The following PAPLN variants were observed in gnomAD, a reference collection of about 807,000 sequenced individuals.
The protein encoded by PAPLN is papilin, proteoglycan like sulfated glycoprotein.
Under a neutral mutation model 159.0 loss-of-function variants are expected in PAPLN, and 146 were observed. The ratio of observed to expected loss-of-function variants is 0.92; its 90% CI spans 0.80 to 1.05. The LOEUF is 1.05. Among genes scored for constraint, PAPLN ranks in the 50% least tolerant of loss-of-function variants. The pLI, the probability that PAPLN is intolerant of heterozygous loss-of-function variation, is 0.00. For missense variants in PAPLN, 1,720 were observed against 1,743.9 expected (o/e 0.99, Z 0.24); for synonymous variants, 734 against 702.9 (o/e 1.04, Z -0.70).
intron 5 of PAPLN, among the ~76,000 whole-genome samples, chr14:73,248,380 A>T (rs1366979615): frequency 6.6e-6 from 1 of 152,174 alleles, no homozygotes; most frequent in Non-Finnish European, 1.5e-5. Flanking sequence ...TTATAGTCAC[A>T]TGATAGAAAA....
intron 26 of PAPLN, among the ~76,000 whole-genome samples, chr14:73,270,484 T>G (rs1489182764): frequency 6.6e-6 from 1 of 152,190 alleles, no homozygotes; most frequent in Non-Finnish European, 1.5e-5. Context: ...CTCAGATACA[T>G]GGTGACTAAG....
At chr14:73,263,965 T>A in intron 20 of PAPLN, 183 bp downstream of exon 20, 1 of 1,212,996 alleles carries the variant, frequency 8.2e-7, no homozygotes. Flanking sequence ...CCCCCCGACC[T>A]CCTCTGACAG....
rs757981233 is a variant in PAPLN at position 73,250,028 on chromosome 14, TTC to T, written c.381_382del (p.Phe127LeufsTer10). On this transcript the variant is annotated frameshift_variant, in exon 6 of 27. Coordinates refer to ENST00000644200, the MANE Select transcript of PAPLN (RefSeq NM_001365906.3). LOFTEE classifies it high-confidence loss of function. Reference sequence around the variant, plus strand: ...GAACTGCATTCCCAAGGGGGAGAACTTCTACTACAAGCACAGGGAGGCTGTGG... The same window carrying T: ...GAACTGCATTCCCAAGGGGGAGAACTTACTACAAGCACAGGGAGGCTGTGG... ...ELNCIPKGENFYYKHREAVVD... is the reference protein window; with the variant it reads ...ELNCIPKGENXYYKHREAVVD... 1.4e-5 allele frequency: 22 copies of T among 1,612,994 alleles called. No individual in the cohort carries two copies. The African/African-American group carries it at 2.4e-4, about 18-fold the overall frequency.
In PAPLN at chr14:73,254,562, G is replaced by C. The variant is rs140416057; in HGVS notation, c.1352G>C (p.Arg451Pro). The C allele has an allele frequency of 6.2e-7, 1 of 1,614,040 alleles. No homozygotes were observed. Among genetic ancestry groups the C allele is most frequent in the Non-Finnish European group, 8.5e-7 (1 of 1,179,926 alleles). The change falls in exon 13 of 27, where the codon CGG becomes CCG. Residue 451 changes from arginine (R) to proline (P), a missense_variant. Transcript: ENST00000644200. ...VGVRKRSVTC[R>P]GERGSLLHTA... Reference sequence around the variant, plus strand: ...GTCCGGAAGCGGAGCGTTACTTGCCGGGGTGAAAGGGGTTCTTTGCTCCAT... The same window carrying C: ...GTCCGGAAGCGGAGCGTTACTTGCCCGGGTGAAAGGGGTTCTTTGCTCCAT...
chr14:73,239,708 T>A (rs977847276), intron 1 of PAPLN, 65 bp from the exon 2 acceptor site: 1 of 1,532,946 alleles, frequency 6.5e-7, no homozygotes, highest in Non-Finnish European at 8.7e-7. Flanking sequence ...GCCCACACAC[T>A]CTCGCCCGCG....
rs1886465595 is a variant in PAPLN at position 73,260,654 on chromosome 14, T to C, written c.1986-55T>C. The C allele has an allele frequency of 1.1e-5, 15 of 1,392,316 alleles. No homozygotes were observed. In the South Asian group the frequency reaches 1.4e-4, roughly 13 times the overall value. The allele number at this position is 1,392,316 out of a possible 1,614,324, so 86.2% of individuals were successfully genotyped here. ...GAGCCTCAGAGCCTGGGTCCTGGGA[T>C]GCAGGGAGCGTGGGGGCAGGCTGGG... On this transcript the variant is annotated intron_variant, in intron 16 of 26. Transcript: ENST00000644200.
Position 73,239,835 on chromosome 14 carries a change from G to C in PAPLN, c.54+3G>C. The C allele has an allele frequency of 6.3e-7, 1 of 1,587,284 alleles. No individual in the cohort carries two copies. The highest frequency in any genetic ancestry group is 8.5e-7 in the Non-Finnish European group (1 of 1,172,786). ...TGGCTCCAGCGCCCGGGTCCTCGGTGAGTGCGGTCCTGCCCCGGCCCCCGG... is the reference window on the plus strand; with the variant it reads ...TGGCTCCAGCGCCCGGGTCCTCGGTCAGTGCGGTCCTGCCCCGGCCCCCGG... On this transcript the variant is annotated splice_donor_region_variant and intron_variant, in intron 2 of 26. Coordinates refer to ENST00000644200, the MANE Select transcript of PAPLN (RefSeq NM_001365906.3).
rs367656935 is a variant in PAPLN at position 73,266,555 on chromosome 14, T to C, written c.3318T>C (p.Asp1106=). The C allele has an allele frequency of 1.6e-5, 26 of 1,613,994 alleles. No individual in the cohort carries two copies. Among genetic ancestry groups the C allele is most frequent in the Non-Finnish European group, 2.1e-5 (25 of 1,180,020 alleles). The change falls in exon 24 of 27, where the codon GAT becomes GAC. Residue 1106 remains aspartate, a synonymous_variant. Transcript: ENST00000644200. ...TCATTAGCCGAGTGGCTGTAGAAGATGGCGGCTTCTACACCTGTGTCGCTT... is the reference window on the plus strand; with the variant it reads ...TCATTAGCCGAGTGGCTGTAGAAGACGGCGGCTTCTACACCTGTGTCGCTT... ...SLVISRVAVE[D]GGFYTCVAFN... is the part of the protein sequence containing the mutation.
Position 73,245,954 on chromosome 14 carries a change from G to T in PAPLN, c.232-119G>T, listed in dbSNP as rs145060858. ...GGTCCGGGGGGCGGACTCCACCTCC[G>T]GCGGCTCCGATGGGGCAGGCAAGGG... On this transcript the variant is annotated intron_variant, in intron 4 of 26. Coordinates refer to ENST00000644200, the MANE Select transcript of PAPLN (RefSeq NM_001365906.3). This position sits in a 1 kb window ranked among gnomAD's most constrained non-coding sequence, Gnocchi z 4.2. 1 of 1,077,902 alleles carries T rather than the reference G, an allele frequency of 9.3e-7. No homozygotes were observed. The highest frequency in any genetic ancestry group is 1.3e-6 in the Non-Finnish European group (1 of 777,056). 66.8% of individuals were successfully genotyped at this position (1,077,902 alleles called of 1,614,324 possible).
At chr14:73,268,452 G>GCAC in intron 25 of PAPLN, 105 bp from the exon 26 acceptor site, 1 of 1,192,764 alleles carries the variant, frequency 8.4e-7, no homozygotes, top group East Asian at 2.6e-5. Flanking sequence ...TGCTCTCAAG[G>GCAC]GGTGGGAACG....
At chr14:73,254,272 G>A (rs543661786) in intron 12 of PAPLN, among the ~76,000 whole-genome samples, 2 of 152,316 alleles carry the variant, frequency 1.3e-5, no homozygotes, top group East Asian at 1.9e-4. Flanking sequence ...TAGCACCTAC[G>A]TATATTCAAG....
intron 19 of PAPLN, 70 bp downstream of exon 19, chr14:73,262,897 C>G: frequency 7.7e-7 from 1 of 1,300,886 alleles, no homozygotes. Context: ...TGGAGCTAAA[C>G]CCCTGAAGTC....
intron 13 of PAPLN, 22 bp from the exon 14 acceptor site, chr14:73,254,855 C>G (rs528343973): frequency 1.2e-5 from 20 of 1,609,320 alleles, no homozygotes; most frequent in African/African-American, 4.0e-5. Context: ...GCATCTCTCT[C>G]TCTCCCACTC....
At chr14:73,269,077 A>G (rs1351129696) in intron 26 of PAPLN, among the ~76,000 whole-genome samples, 1 of 152,236 alleles carries the variant, frequency 6.6e-6, no homozygotes, top group Non-Finnish European at 1.5e-5. Flanking sequence ...AACTTAAGGC[A>G]GACCACTAAA....
chr14:73,241,975 C>A (rs965748385), intron 2 of PAPLN, among the ~76,000 whole-genome samples: 1 of 152,182 alleles, frequency 6.6e-6, no homozygotes, highest in Non-Finnish European at 1.5e-5. Context: ...GGGCGCCTAG[C>A]GCAGCATGAG....
chr14:73,260,730 G>T lies in PAPLN; in HGVS notation c.2007G>T (p.Arg669Ser). Residue 669 changes from arginine (R) to serine (S), a missense_variant, in exon 17 of 27, where the codon AGG (arginine) becomes AGT (serine). Arg to Ser is a moderately radical substitution (Grantham distance 110, BLOSUM62 -1). Coordinates refer to ENST00000644200, the MANE Select transcript of PAPLN (RefSeq NM_001365906.3). ...CTAGGTACGGGTGCTGCCCTGACAG[G>T]GTATCTGTCGCTGAGGGGCCCCATC... ...QQSRYGCCPD[R>S]VSVAEGPHHA... 6.8e-7 allele frequency: 1 copy of T among 1,473,620 alleles called. No homozygotes were observed. Among genetic ancestry groups the T allele is most frequent in the Non-Finnish European group, 9.0e-7 (1 of 1,116,708 alleles). The allele number at this position is 1,473,620 out of a possible 1,614,324, so 91.3% of individuals were successfully genotyped here.
rs553764746 is a variant in PAPLN at position 73,273,295 on chromosome 14, T to G, written c.*631T>G. ...ACGCCCAGCCATCAATGCATTTTTT[T>G]TATTTTTTTTTTGAGACAGAGTTTC... is the stretch of plus-strand genomic sequence containing the variant. On this transcript the variant is annotated 3_prime_UTR_variant, in exon 27 of 27. Coordinates refer to ENST00000644200, the MANE Select transcript of PAPLN (RefSeq NM_001365906.3). The G allele has an allele frequency of 7.4e-6, 1 of 135,824 alleles. No individual in the cohort carries two copies. Among genetic ancestry groups the G allele is most frequent in the East Asian group, 2.0e-4 (1 of 4,964 alleles). 8.4% of individuals were successfully genotyped at this position (135,824 alleles called of 1,614,324 possible).
intron 14 of PAPLN, among the ~76,000 whole-genome samples, chr14:73,258,646 C>T (rs1386802251): frequency 4.2e-5 from 4 of 95,186 alleles, no homozygotes; most frequent in Admixed American, 3.6e-4. Flanking sequence ...AAAGTAGTCC[C>T]AGCTACTCAG....
chr14:73,259,067 C>T lies in PAPLN; in HGVS notation c.1708+8C>T. ...AGGAGTCCCCTGCCTCAGGTGAGAG[C>T]CTGGTCCCGTCCCCCACTCAGAGCC... On this transcript the variant is annotated splice_region_variant and intron_variant, in intron 15 of 26. Transcript: ENST00000644200. 1.2e-6 allele frequency: 2 copies of T among 1,607,580 alleles called. No individual in the cohort carries two copies. The highest frequency in any genetic ancestry group is 1.7e-4 in the Middle Eastern group (1 of 6,036).
Sources: gnomAD v4.1 joint callset for allele counts (sites outside exome capture counted in the v4.1 genomes callset) on GRCh38, gnomAD v4.1.1 for gene constraint, Gnocchi (gnomAD v3.1) non-coding constraint, MANE v1.5 for transcripts, NCBI Gene and HGNC (gene_info 2026-07-23, HGNC 2026-07-21) for gene names.